Variants in DNAH7 observed in about 807,000 individuals in gnomAD.
The protein encoded by DNAH7 is axonemal beta dynein heavy chain 7.
DNAH7 carries 397 observed loss-of-function variants against 444.6 expected under a neutral mutation model. The ratio of observed to expected loss-of-function variants is 0.89; its 90% confidence interval spans 0.82 to 0.97. The LOEUF (loss-of-function observed/expected upper bound fraction) is 0.97. Among genes scored for constraint, DNAH7 ranks in the 50% least tolerant of loss-of-function variants. The pLI, the probability that DNAH7 is intolerant of heterozygous loss-of-function variation, is 0.00. For synonymous variants in DNAH7, 1,636 were observed against 1,624.4 expected (o/e 1.01, Z -0.17); for missense variants, 4,902 against 4,800.8 (o/e 1.02, Z -0.62).
At position 195,981,060 on chromosome 2, in the gene DNAH7, C is replaced by T. The variant is rs964477886; in HGVS notation, c.1833+3572G>A. 5.3e-5 allele frequency among the ~76,000 whole-genome samples: 8 copies of T among 152,172 alleles called. No homozygotes were observed. In the East Asian group the frequency reaches 7.7e-4, roughly 15 times the overall value. ...TCAGAAAGAAAAGTTAAATTATCCT[C>T]GTTTGCAGATAATATATTATATTTG... On this transcript the variant is annotated intron_variant, in intron 15 of 64. Coordinates refer to ENST00000312428, the MANE Select transcript of DNAH7 (RefSeq NM_018897.3).
chr2:195,799,495 T>C (rs769346458), intron 54 of DNAH7, 23 bp from the exon 55 acceptor site: 2 of 1,518,642 alleles, frequency 1.3e-6, no homozygotes, highest in South Asian at 1.4e-5. Flanking sequence ...AAGGATATAG[T>C]TGGAAGAATA....
At chr2:195,780,252 A>G (rs984034642) in intron 58 of DNAH7, among the ~76,000 whole-genome samples, 1 of 151,902 alleles carries the variant, frequency 6.6e-6, no homozygotes, top group African/African-American at 2.4e-5. Context: ...ATTTTTATTC[A>G]CCATTTGTAT....
intron 19 of DNAH7, among the ~76,000 whole-genome samples, chr2:195,942,797 C>T (rs1177909651): frequency 6.6e-6 from 1 of 152,134 alleles, no homozygotes; most frequent in African/African-American, 2.4e-5. Context: ...TCCATGTACT[C>T]TACCTATGAG....
rs575018622 is a variant in DNAH7 at position 195,924,979 on chromosome 2, G to C, written c.3613-1172C>G. Among the ~76,000 whole-genome samples, 18 of 152,252 alleles carry C rather than the reference G, an allele frequency of 1.2e-4. No individual in the cohort carries two copies. In the South Asian group the frequency reaches 2.1e-3, roughly 18 times the overall value. On this transcript the variant is annotated intron_variant, in intron 22 of 64. Transcript: ENST00000312428. ...ATTTAATAAAACTGTACACCACGGA[G>C]TTTATTTCACTCTGTTACAGCCATT...
At chr2:196,056,707 G>C (rs1257618214) in intron 2 of DNAH7, among the ~76,000 whole-genome samples, 1 of 152,160 alleles carries the variant, frequency 6.6e-6, no homozygotes, top group East Asian at 1.9e-4. Context: ...TAATCAACTT[G>C]ATAGCCCATG....
At chr2:195,992,767 C>T (rs1301681593) in intron 12 of DNAH7, among the ~76,000 whole-genome samples, 6 of 152,172 alleles carry the variant, frequency 3.9e-5, no homozygotes, top group African/African-American at 9.7e-5. Flanking sequence ...TATTCTTCAA[C>T]GTAACTGGTA....
At chr2:195,846,058 A>C (rs1698974097) in intron 46 of DNAH7, among the ~76,000 whole-genome samples, 1 of 152,244 alleles carries the variant, frequency 6.6e-6, no homozygotes, top group South Asian at 2.1e-4. Flanking sequence ...AACTATCAGC[A>C]GAGTAAATAG....
chr2:195,871,681 A>G (rs62201525), intron 40 of DNAH7, among the ~76,000 whole-genome samples: 4,338 of 132,456 alleles, frequency 0.033, 312 homozygotes, highest in African/African-American at 0.04. Flanking sequence ...TCAAACTAAC[A>G]AGGATTAAAC....
In DNAH7 at chr2:195,873,576, T is replaced by TA; in HGVS notation, c.6404dup (p.Leu2135PhefsTer6). ...AAATTTTGATTACTTACCAGATTTC[T>TA]AAATGCCAAGTTAAGATTCTAGAGA... On this transcript the variant is annotated frameshift_variant, in exon 39 of 65. Transcript: ENST00000312428. LOFTEE classifies it high-confidence loss of function. 2.2e-6 allele frequency: 3 copies of TA among 1,374,416 alleles called. No homozygotes were observed. The highest frequency in any genetic ancestry group is 3.8e-4 in the Middle Eastern group (2 of 5,244). 85.1% of individuals were successfully genotyped at this position (1,374,416 alleles called of 1,614,324 possible). A position where few individuals can be genotyped will look rare whatever the true frequency, so the allele number is the denominator to read the frequency against.
At chr2:195,778,707 CAT>C (rs1474773196) in intron 58 of DNAH7, among the ~76,000 whole-genome samples, 1 of 63,812 alleles carries the variant, frequency 1.6e-5, no homozygotes, top group South Asian at 7.8e-4. Context: ...TATATATACA[CAT>C]ATATATACAC....
At chr2:195,795,778 G>A (rs1696103353) in intron 56 of DNAH7, 1 of 152,214 alleles carries the variant, frequency 6.6e-6, no homozygotes, top group Admixed American at 6.5e-5. Flanking sequence ...GAATACAACA[G>A]ATAAAGACAA....
At chr2:195,856,241 A>G (rs981273599) in intron 44 of DNAH7, among the ~76,000 whole-genome samples, 3 of 152,220 alleles carry the variant, frequency 2.0e-5, no homozygotes, top group Non-Finnish European at 2.9e-5. Context: ...AATTTTGATA[A>G]CTTTCCAAAA....
Position 195,817,786 on chromosome 2 carries a change from TC to T in DNAH7, c.9334del (p.Asp3112IlefsTer22). On this transcript the variant is annotated frameshift_variant, in exon 50 of 65. Coordinates refer to ENST00000312428, the MANE Select transcript of DNAH7 (RefSeq NM_018897.3). LOFTEE classifies it high-confidence loss of function. ...TGCCACCACAATTCCCAGAAGCTGATCTTGCATTCCCTCAGGGGTTATCATG... is the reference window on the plus strand; with the variant it reads ...TGCCACCACAATTCCCAGAAGCTGATTTGCATTCCCTCAGGGGTTATCATG... ...NFMITPEGMQDQLLGIVVAQE... is the reference protein window; with the variant it reads ...NFMITPEGMQXQLLGIVVAQE... 1 of 1,612,760 alleles carries T rather than the reference TC, an allele frequency of 6.2e-7. No homozygotes were observed. The highest frequency in any genetic ancestry group is 1.3e-5 in the African/African-American group (1 of 74,986).
intron 20 of DNAH7, 123 bp downstream of exon 20, chr2:195,936,476 G>T: frequency 1.8e-6 from 1 of 568,516 alleles, no homozygotes. Flanking sequence ...TATAATACTT[G>T]GAACATTCTT....
chr2:195,919,291 T>G (rs1687878213), intron 24 of DNAH7, among the ~76,000 whole-genome samples: 1 of 151,902 alleles, frequency 6.6e-6, no homozygotes, highest in South Asian at 2.1e-4. Context: ...AGAGAGAGGT[T>G]AGGAATTCTC....
chr2:196,021,265 T>C (rs552146474), intron 8 of DNAH7, among the ~76,000 whole-genome samples: 13 of 152,314 alleles, frequency 8.5e-5, no homozygotes, highest in African/African-American at 3.1e-4. Context: ...CACCTGTCTA[T>C]GTCTAGTCAT....
At chr2:195,773,795 A>T (rs896846853) in intron 60 of DNAH7, among the ~76,000 whole-genome samples, 6 of 152,214 alleles carry the variant, frequency 3.9e-5, no homozygotes, top group Non-Finnish European at 1.5e-5. Flanking sequence ...AAGTTGAAAC[A>T]ATTTTTCTAT....
chr2:196,053,650 C>A (rs996287920), intron 2 of DNAH7, among the ~76,000 whole-genome samples: 10 of 152,278 alleles, frequency 6.6e-5, no homozygotes, highest in Admixed American at 2.6e-4. Flanking sequence ...GTCACCTCTA[C>A]CTCTCAAAGG....
chr2:196,004,326 C>A (rs1241593520), intron 10 of DNAH7, among the ~76,000 whole-genome samples: 3 of 144,960 alleles, frequency 2.1e-5, no homozygotes, highest in Non-Finnish European at 4.4e-5. Flanking sequence ...GGGTAGTAGT[C>A]CTGGGGATTA....
Sources: gnomAD v4.1 joint callset for allele counts (sites outside exome capture counted in the v4.1 genomes callset) on GRCh38, gnomAD v4.1.1 for gene constraint, MANE v1.5 for transcripts, NCBI Gene and HGNC (gene_info 2026-07-23, HGNC 2026-07-21) for gene names.